EFTUD2: variants seen among roughly 807,000 people sequenced by gnomAD.
The protein encoded by EFTUD2 is 116 kDa U5 small nuclear ribonucleoprotein component.
Under a neutral mutation model 114.3 loss-of-function variants are expected in EFTUD2, and 9 were observed. The ratio of observed to expected loss-of-function variants is 0.08; its 90% CI spans 0.05 to 0.14. The LOEUF is 0.14. EFTUD2 is among the 10% of genes least tolerant of loss of function. EFTUD2 has a pLI of 1.00. For synonymous variants in EFTUD2, 449 were observed against 462.3 expected, an observed-to-expected ratio of 0.97 and a Z score of 0.37; for missense variants, 765 against 1,241.2, an observed-to-expected ratio of 0.62 and a Z score of 5.76.
Position 44,865,763 on chromosome 17 carries a change from AC to A in EFTUD2, c.1150-699del, listed in dbSNP as rs937703521. 3.2e-4 allele frequency among the ~76,000 whole-genome samples: 49 copies of A among 152,238 alleles called. 1 individual carries two copies. Among genetic ancestry groups the A allele is most frequent in the African/African-American group, 1.1e-3 (47 of 41,544 alleles). ...CTGTATGAAAATTCCTATAATTTTT[AC>A]CCTTTTAGTCCCATCTTTTAGGGAG... On this transcript the variant is annotated intron_variant, in intron 13 of 27. Transcript: ENST00000426333.
chr17:44,859,818 C>A, intron 18 of EFTUD2, 87 bp downstream of exon 18: 1 of 1,593,720 alleles, frequency 6.3e-7, no homozygotes, highest in South Asian at 1.1e-5. Flanking sequence ...AGATCATGAA[C>A]ACCTGATGGA....
At position 44,867,871 on chromosome 17, in the gene EFTUD2, G is replaced by C. The variant is rs1451516304; in HGVS notation, c.1085C>G (p.Thr362Ser). Reference protein sequence around the residue: ...KTRKFTKKAPTSSSQRSFVEF... With the variant: ...KTRKFTKKAPSSSSQRSFVEF... ...CACGAAACTTCTCTGGGAGCTGCTA[G>C]TTGGGGCCTTTTTGGTGAACTTTCG... Residue 362 changes from threonine to serine, a missense_variant, in exon 13 of 28, where the codon ACT becomes AGT. Around this residue, in one of 6 missense-constraint regions of EFTUD2, gnomAD observed 251 missense variants for 357.7 expected, o/e 0.70. Coordinates refer to ENST00000426333, the MANE Select transcript of EFTUD2 (RefSeq NM_004247.4). 25 of 1,604,032 alleles carry C rather than the reference G, an allele frequency of 1.6e-5. No individual in the cohort carries two copies. The highest frequency in any genetic ancestry group is 2.1e-5 in the Non-Finnish European group (25 of 1,175,056).
chr17:44,893,895 G>C (rs1038472842), intron 2 of EFTUD2, among the ~76,000 whole-genome samples: 4 of 151,356 alleles, frequency 2.6e-5, no homozygotes, highest in Non-Finnish European at 5.9e-5. Flanking sequence ...GTGAAACCCT[G>C]TCTCTACTAA....
At chr17:44,883,804 T>C (rs1001040746) in intron 4 of EFTUD2, 80 bp from the exon 5 acceptor site, 1 of 1,443,796 alleles carries the variant, frequency 6.9e-7, no homozygotes, top group Non-Finnish European at 9.7e-7. Context: ...GTTTCAGGTA[T>C]TTTTTGGCCA....
chr17:44,867,997 G>A (rs2050782168), intron 12 of EFTUD2, 100 bp from the exon 13 acceptor site: 2 of 1,179,088 alleles, frequency 1.7e-6, no homozygotes, highest in Non-Finnish European at 2.4e-6. Context: ...ACAGCCCAGG[G>A]GAGGAATGTG....
intron 16 of EFTUD2, among the ~76,000 whole-genome samples, chr17:44,860,975 G>A (rs1473921524): frequency 6.6e-6 from 1 of 152,102 alleles, no homozygotes; most frequent in East Asian, 1.9e-4. Context: ...TCTAGCAGGG[G>A]AGAGATACAG....
rs959303781 is a variant in EFTUD2, at chr17:44,879,787, C to A, written c.620-149G>T. ...ATAACCCCCCACAGGGTAAAAATAT[C>A]CCCCATTAGTGTCATATCCTTGCAT... On this transcript the variant is annotated intron_variant, in intron 8 of 27. Transcript: ENST00000426333. The A allele has an allele frequency of 5.5e-6, 4 of 729,172 alleles. No homozygotes were observed. The African/African-American group carries it at 7.1e-5, about 13-fold the overall frequency. 45.2% of individuals were successfully genotyped at this position (729,172 alleles called of 1,614,324 possible). A position where few individuals can be genotyped will look rare whatever the true frequency, so the allele number is the denominator to read the frequency against.
At chr17:44,892,260 G>A (rs988023370) in intron 2 of EFTUD2, 1 of 152,242 alleles carries the variant, frequency 6.6e-6, no homozygotes, top group Non-Finnish European at 1.5e-5. Context: ...GGCCAAGGCA[G>A]GCAGATTGCT....
intron 10 of EFTUD2, chr17:44,872,901 A>C (rs1461100680): frequency 1.3e-5 from 2 of 157,738 alleles, no homozygotes; most frequent in Admixed American, 6.3e-5. Context: ...TAAGACAGAA[A>C]TACATTTGAC....
chr17:44,851,242 T>G lies in EFTUD2; in HGVS notation c.*32A>C. 2 of 1,545,190 alleles carry G rather than the reference T, an allele frequency of 1.3e-6. No homozygotes were observed. Among genetic ancestry groups the G allele is most frequent in the Non-Finnish European group, 1.8e-6 (2 of 1,117,590 alleles). On this transcript the variant is annotated 3_prime_UTR_variant, in exon 28 of 28. Coordinates refer to ENST00000426333, the MANE Select transcript of EFTUD2 (RefSeq NM_004247.4). ...CAAGTACAGGAGTTGCAGCCCACTG[T>G]AGGGAGCAGGAGCTCCCAGGAGTCC...
chr17:44,892,921 C>T (rs2051308439), intron 2 of EFTUD2, among the ~76,000 whole-genome samples: 2 of 151,966 alleles, frequency 1.3e-5, no homozygotes, highest in South Asian at 2.1e-4. Context: ...AGCCACCACA[C>T]CTGACTGTAA....
intron 3 of EFTUD2, among the ~76,000 whole-genome samples, chr17:44,885,668 C>CT (rs35004049): frequency 3.2e-4 from 47 of 148,756 alleles, no homozygotes; most frequent in Middle Eastern, 3.4e-3. Context: ...TCAATGAAAA[C>CT]TTTTTTTTTT....
intron 27 of EFTUD2, 85 bp from the exon 28 acceptor site, chr17:44,851,454 G>C: frequency 8.6e-6 from 10 of 1,160,738 alleles, no homozygotes; most frequent in Non-Finnish European, 1.3e-5. Flanking sequence ...GTTCAGTGGG[G>C]AGGCTAGTGG....
intron 2 of EFTUD2, chr17:44,894,075 A>C (rs1194625018): frequency 1.4e-5 from 3 of 209,532 alleles, no homozygotes; most frequent in African/African-American, 7.1e-5. Context: ...CTCAAAAAAA[A>C]AAAAAAGAAA....
At chr17:44,894,801 C>A (rs927084523) in intron 1 of EFTUD2, among the ~76,000 whole-genome samples, 1 of 152,196 alleles carries the variant, frequency 6.6e-6, no homozygotes, top group Non-Finnish European at 1.5e-5. Flanking sequence ...AGAAAGAAGA[C>A]AGAAGGAAGA....
In EFTUD2 at chr17:44,868,292, A is replaced by C. The variant is rs763915788; in HGVS notation, c.1053T>G (p.Pro351=). 3.1e-6 allele frequency: 5 copies of C among 1,613,888 alleles called. No homozygotes were observed. Among genetic ancestry groups the C allele is most frequent in the Non-Finnish European group, 3.4e-6 (4 of 1,179,860 alleles). The change falls in exon 12 of 28, where the codon CCT becomes CCG. Residue 351 remains proline (P), a synonymous_variant. Transcript: ENST00000426333. ...ACGTCCCATACTCTACTTACGTCTT[A>C]GGGTTGAAGTAGATGTCACCCCAGA... ...KRLWGDIYFN[P]KTRKFTKKAP...
At chr17:44,861,530 G>A (rs1398418092) in intron 16 of EFTUD2, among the ~76,000 whole-genome samples, 4 of 151,464 alleles carry the variant, frequency 2.6e-5, no homozygotes, top group African/African-American at 7.3e-5. Flanking sequence ...TCAGGAGATC[G>A]AGACCATTCT....
chr17:44,860,529 A>G lies in EFTUD2; in HGVS notation c.1622T>C (p.Val541Ala), dbSNP rs1338151794. ...WISVARYHIE[V>A]NRVPAGNWVL... ...CCAGTTGCCAGCAGGAACACGGTTC[A>G]CCTCGATGTGGTACCTGAAGCAATG... The change falls in exon 17 of 28, where the codon GTG becomes GCG. Residue 541 changes from valine (V) to alanine (A), a missense_variant. Transcript: ENST00000426333. 1.9e-6 allele frequency: 3 copies of G among 1,612,506 alleles called. No homozygotes were observed. Among genetic ancestry groups the G allele is most frequent in the Non-Finnish European group, 2.5e-6 (3 of 1,178,986 alleles).
intron 3 of EFTUD2, among the ~76,000 whole-genome samples, chr17:44,885,931 T>C (rs1379597616): frequency 2.6e-5 from 4 of 152,018 alleles, no homozygotes; most frequent in African/African-American, 7.2e-5. Context: ...TTCCAGCCTA[T>C]GAAAACTATT....
Sources: allele counts gnomAD v4.1 joint callset (sites outside exome capture counted in the v4.1 genomes callset), GRCh38; gene constraint gnomAD v4.1.1; regional missense constraint gnomAD v4.1.1; transcripts MANE v1.5; gene names NCBI Gene and HGNC (gene_info 2026-07-23, HGNC 2026-07-21).